The following HHAT variants were observed in gnomAD, a reference collection of about 807,000 sequenced individuals.
HHAT encodes the protein protein-cysteine N-palmitoyltransferase HHAT.
HHAT carries 47 observed loss-of-function variants against 70.8 expected under a neutral mutation model. That is an observed-to-expected ratio of 0.66 (90% confidence interval 0.53 to 0.85). HHAT has a LOEUF of 0.85. HHAT is among the 40% of genes least tolerant of loss of function. The pLI is 0.00. For synonymous variants in HHAT, 228 were observed against 247.6 expected (o/e 0.92, Z 0.74); for missense variants, 609 against 604.8 (o/e 1.01, Z -0.07).
At chr1:210,333,818 T>C (rs900167369) in intron 1 of HHAT, among the ~76,000 whole-genome samples, 10 of 152,114 alleles carry the variant, frequency 6.6e-5, no homozygotes, top group African/African-American at 2.4e-4. Context: ...CCACCGTGCC[T>C]GGCTAATTTT....
intron 8 of HHAT, among the ~76,000 whole-genome samples, chr1:210,489,774 A>G (rs2094523771): frequency 1.3e-5 from 2 of 152,334 alleles, no homozygotes; most frequent in South Asian, 2.1e-4. Flanking sequence ...TAAGCAGAGC[A>G]CATACCTTTG....
intron 9 of HHAT, among the ~76,000 whole-genome samples, chr1:210,521,359 G>T (rs1032489396): frequency 2.6e-5 from 4 of 152,124 alleles, no homozygotes; most frequent in Non-Finnish European, 5.9e-5. Context: ...GGAGTTGGTG[G>T]CTTGCTGAAT....
rs187374567 is a variant in HHAT at position 210,364,142 on chromosome 1, G to A, written c.159+1223G>A. On this transcript the variant is annotated intron_variant, in intron 3 of 11. Coordinates refer to ENST00000261458, the MANE Select transcript of HHAT (RefSeq NM_018194.6). Reference sequence around the variant, plus strand: ...TGGGGTGCCATTCTTGGCTTTTGTCGCTCTACCCACCAGATGCTTCCATGA... The same window carrying A: ...TGGGGTGCCATTCTTGGCTTTTGTCACTCTACCCACCAGATGCTTCCATGA... 3.4e-4 allele frequency among the ~76,000 whole-genome samples: 52 copies of A among 152,260 alleles called. 1 individual carries two copies. Among genetic ancestry groups the A allele is most frequent in the Admixed American group, 2.9e-3 (45 of 15,292 alleles).
chr1:210,380,579 A>G (rs1001098538), intron 3 of HHAT, among the ~76,000 whole-genome samples: 1 of 151,936 alleles, frequency 6.6e-6, no homozygotes, highest in Admixed American at 6.6e-5. Flanking sequence ...AAAAAGCACA[A>G]TGGGATAAGT....
At chr1:210,422,726 C>T (rs768659701) in intron 7 of HHAT, among the ~76,000 whole-genome samples, 17 of 152,158 alleles carry the variant, frequency 1.1e-4, no homozygotes, top group Non-Finnish European at 2.5e-4. Flanking sequence ...CAACCTCTGC[C>T]TCTTGGTTTC....
intron 8 of HHAT, among the ~76,000 whole-genome samples, chr1:210,501,248 C>G (rs1360199967): frequency 6.6e-6 from 1 of 152,232 alleles, no homozygotes; most frequent in East Asian, 1.9e-4. Flanking sequence ...CTTTGCCATT[C>G]TTATTTTGGC....
chr1:210,417,702 C>G (rs931620194), intron 6 of HHAT, among the ~76,000 whole-genome samples: 4 of 152,298 alleles, frequency 2.6e-5, no homozygotes, highest in East Asian at 1.9e-4. Context: ...TTTTCTCTTT[C>G]TCTTCTACCA....
intron 7 of HHAT, among the ~76,000 whole-genome samples, chr1:210,449,477 G>T (rs565553592): frequency 9.2e-5 from 14 of 152,272 alleles, no homozygotes; most frequent in Middle Eastern, 3.4e-3. Flanking sequence ...AGCTGCGCTG[G>T]GATGGTTCAT....
At chr1:210,525,509 G>T (rs991477242) in intron 9 of HHAT, among the ~76,000 whole-genome samples, 1 of 152,122 alleles carries the variant, frequency 6.6e-6, no homozygotes, top group Admixed American at 6.5e-5. Flanking sequence ...ATTTTTAGAA[G>T]ATTTCTCAGA....
At chr1:210,521,611 T>G (rs780824468) in intron 9 of HHAT, among the ~76,000 whole-genome samples, 2 of 152,202 alleles carry the variant, frequency 1.3e-5, no homozygotes, top group Non-Finnish European at 2.9e-5. Context: ...GATGAAGAAG[T>G]CTGCTCACCA....
intron 9 of HHAT, among the ~76,000 whole-genome samples, chr1:210,569,405 T>G: frequency 1.8e-5 from 1 of 55,768 alleles, no homozygotes. Flanking sequence ...AAAAAGCGTA[T>G]AGCAGCAGAA....
chr1:210,530,296 C>CAT (rs2095301082), intron 9 of HHAT, among the ~76,000 whole-genome samples: 1 of 152,090 alleles, frequency 6.6e-6, no homozygotes, highest in Admixed American at 6.6e-5. Context: ...CTAGGAAATA[C>CAT]ATATTCTAGT....
chr1:210,433,406 G>A lies in HHAT; in HGVS notation c.856+15081G>A, dbSNP rs1384031940. ...GCATAAGGCAGCAAAGGGAAATCATGCGTCGTACATTATTGCTCCAAAAAG... is the reference window on the plus strand; with the variant it reads ...GCATAAGGCAGCAAAGGGAAATCATACGTCGTACATTATTGCTCCAAAAAG... On this transcript the variant is annotated intron_variant, in intron 7 of 11. Coordinates refer to ENST00000261458, the MANE Select transcript of HHAT (RefSeq NM_018194.6). Among the ~76,000 whole-genome samples the A allele has an allele frequency of 4.6e-5, 7 of 151,890 alleles. 1 individual carries two copies. The highest frequency in any genetic ancestry group is 1.7e-4 in the African/African-American group (7 of 41,176).
chr1:210,361,474 G>A (rs1182271832), intron 2 of HHAT, among the ~76,000 whole-genome samples: 1 of 152,008 alleles, frequency 6.6e-6, no homozygotes, highest in East Asian at 1.9e-4. Context: ...TGTACCCTGG[G>A]CCGGTTTGCA....
intron 4 of HHAT, among the ~76,000 whole-genome samples, chr1:210,394,398 A>G (rs939158992): frequency 6.6e-6 from 1 of 152,078 alleles, no homozygotes; most frequent in African/African-American, 2.4e-5. Flanking sequence ...AGGCTGAATC[A>G]TGGCTTTCAG....
chr1:210,498,593 C>T (rs1405273575), intron 8 of HHAT, among the ~76,000 whole-genome samples: 2 of 152,122 alleles, frequency 1.3e-5, no homozygotes, highest in African/African-American at 4.8e-5. Flanking sequence ...CTTCTCTGTC[C>T]AGAATGCTGT....
chr1:210,329,193 A>G, intron 1 of HHAT, 89 bp downstream of exon 1: 1 of 1,224,626 alleles, frequency 8.2e-7, no homozygotes, highest in South Asian at 3.7e-5. Context: ...AAAATGCACA[A>G]AACGCTTTCC....
At chr1:210,433,500 T>G (rs2093304200) in intron 7 of HHAT, among the ~76,000 whole-genome samples, 1 of 151,790 alleles carries the variant, frequency 6.6e-6, no homozygotes, top group Non-Finnish European at 1.5e-5. Context: ...TGATTTGATG[T>G]GGTTAATCAA....
At chr1:210,589,165 A>G (rs1172231887) in intron 10 of HHAT, 4 of 152,216 alleles carry the variant, frequency 2.6e-5, no homozygotes, top group Non-Finnish European at 4.4e-5. Flanking sequence ...CATTCCACCC[A>G]GTGTGAATAA....
Sources: gnomAD v4.1 joint callset for allele counts (sites outside exome capture counted in the v4.1 genomes callset) on GRCh38, gnomAD v4.1.1 for gene constraint, MANE v1.5 for transcripts, NCBI Gene and HGNC (gene_info 2026-07-23, HGNC 2026-07-21) for gene names.